The following UBE2O variants were observed in gnomAD, a reference collection of about 807,000 sequenced individuals.
The protein encoded by UBE2O is (E3-independent) E2 ubiquitin-conjugating enzyme.
In UBE2O, 15 loss-of-function variants were observed where a neutral mutation model predicts 125.8. The observed-to-expected ratio is 0.12, with a 90% CI of 0.08 to 0.18. The LOEUF (loss-of-function observed/expected upper bound fraction) is 0.18. Ranked by LOEUF, UBE2O falls within the 10% of genes least tolerant of loss-of-function variation. The pLI is 1.00. For synonymous variants in UBE2O, 708 were observed against 703.2 expected, an observed-to-expected ratio of 1.01 and a Z score of -0.11; for missense variants, 1,280 against 1,723.6, an observed-to-expected ratio of 0.74 and a Z score of 4.56.
chr17:76,393,863 G>A lies in UBE2O; in HGVS notation c.2947-1750C>T, dbSNP rs189002688. Among the ~76,000 whole-genome samples the A allele has an allele frequency of 2.2e-3, 336 of 152,364 alleles. 1 individual carries two copies. The highest frequency in any genetic ancestry group is 3.3e-3 in the Non-Finnish European group (226 of 68,038). Reference sequence around the variant, plus strand: ...AGCTGAGAAGCAGGGAAGGCAGAGCGCTAGCTGGGGCGAGGGAACCTCTGC... The same window carrying A: ...AGCTGAGAAGCAGGGAAGGCAGAGCACTAGCTGGGGCGAGGGAACCTCTGC... On this transcript the variant is annotated intron_variant, in intron 15 of 17. Transcript: ENST00000319380.
chr17:76,418,569 G>GT (rs33997542), intron 1 of UBE2O, among the ~76,000 whole-genome samples: 5,730 of 144,792 alleles, frequency 0.04, 169 homozygotes, highest in African/African-American at 0.076. Context: ...GGAGGAACAG[G>GT]TTTTTTTTTT....
chr17:76,400,672 G>C lies in UBE2O; in HGVS notation c.895-122C>G. ...ACTGATCTTCCTAGTGCAGCACCAA[G>C]TACAGACACATCAGAGCAGGCCCCA... On this transcript the variant is annotated intron_variant, in intron 6 of 17. Transcript: ENST00000319380. The surrounding 1 kb of genome is among the most constrained non-coding windows in gnomAD (Gnocchi z 4.3). 1.5e-6 allele frequency: 1 copy of C among 681,486 alleles called. No homozygotes were observed. The highest frequency in any genetic ancestry group is 3.4e-4 in the Middle Eastern group (1 of 2,954). 42.2% of individuals were successfully genotyped at this position (681,486 alleles called of 1,614,324 possible). A position where few individuals can be genotyped will look rare whatever the true frequency, so the allele number is the denominator to read the frequency against.
chr17:76,396,851 G>A lies in UBE2O; in HGVS notation c.2116-30C>T, dbSNP rs778017940. 87 of 1,546,048 alleles carry A rather than the reference G, an allele frequency of 5.6e-5. No homozygotes were observed. The highest frequency in any genetic ancestry group is 7.4e-5 in the Admixed American group (4 of 53,906). On this transcript the variant is annotated intron_variant, in intron 13 of 17. Transcript: ENST00000319380. This position sits in a 1 kb window ranked among gnomAD's most constrained non-coding sequence, Gnocchi z 6.7. ...GGGCAGAAGGGAAGTGCCAGGGTAAGCAGACAGGAAGTCACCTCCCCACCA... is the reference window on the plus strand; with the variant it reads ...GGGCAGAAGGGAAGTGCCAGGGTAAACAGACAGGAAGTCACCTCCCCACCA...
In UBE2O at chr17:76,402,709, A is replaced by C; in HGVS notation, c.589-10T>G. ...CCCCATACATGAAGGGCTGCAGACC[A>C]AGGAGGCAGGGGCAGTGAGACACAG... is the stretch of plus-strand genomic sequence containing the variant. On this transcript the variant is annotated splice_polypyrimidine_tract_variant and intron_variant, in intron 3 of 17. Transcript: ENST00000319380. The surrounding 1 kb of genome is among the most constrained non-coding windows in gnomAD (Gnocchi z 5.4). 6.2e-7 allele frequency: 1 copy of C among 1,612,058 alleles called. No individual in the cohort carries two copies. Among genetic ancestry groups the C allele is most frequent in the South Asian group, 1.1e-5 (1 of 91,044 alleles).
chr17:76,448,208 A>C (rs2073181172), intron 1 of UBE2O, among the ~76,000 whole-genome samples: 1 of 152,190 alleles, frequency 6.6e-6, no homozygotes, highest in Admixed American at 6.6e-5. Flanking sequence ...GGGAAAAATC[A>C]AGGGACAAAG....
In UBE2O at chr17:76,402,574, C is replaced by T. The variant is rs746600991; in HGVS notation, c.686+28G>A. On this transcript the variant is annotated intron_variant, in intron 4 of 17. Coordinates refer to ENST00000319380, the MANE Select transcript of UBE2O (RefSeq NM_022066.4). The surrounding 1 kb of genome is among the most constrained non-coding windows in gnomAD (Gnocchi z 5.4). ...TTCCAAGAGGCTATCCTTCCCAAGC[C>T]GATGGCTCTCTGGTGGTGAGACTCT... is the stretch of plus-strand genomic sequence containing the variant. 1.6e-5 allele frequency: 25 copies of T among 1,597,036 alleles called. 1 individual carries two copies. In the South Asian group the frequency reaches 1.8e-4, roughly 11 times the overall value.
At chr17:76,397,006 G>T (rs563061326) in intron 13 of UBE2O, among the ~76,000 whole-genome samples, 185 bp from the exon 14 acceptor site, 1 of 152,228 alleles carries the variant, frequency 6.6e-6, no homozygotes, top group Non-Finnish European at 1.5e-5. Flanking sequence ...GTCTCTGGGA[G>T]AGGCCCTTCA....
intron 1 of UBE2O, among the ~76,000 whole-genome samples, chr17:76,407,490 A>T (rs1045809704): frequency 6.6e-6 from 1 of 152,246 alleles, no homozygotes; most frequent in African/African-American, 2.4e-5. Context: ...GCGGCAGGAC[A>T]GGAGAATCCA....
Position 76,405,323 on chromosome 17 carries a change from GA to G in UBE2O, c.478-8del, listed in dbSNP as rs2143729740. ...CCGTGCCACACTGACTGTCCTGGGGGAGGGAGGAGACATGCAAGTCCCGTGG... is the reference window on the plus strand; with the variant it reads ...CCGTGCCACACTGACTGTCCTGGGGGGGGAGGAGACATGCAAGTCCCGTGG... On this transcript the variant is annotated splice_region_variant and splice_polypyrimidine_tract_variant and intron_variant, in intron 2 of 17. Transcript: ENST00000319380. This position sits in a 1 kb window ranked among gnomAD's most constrained non-coding sequence, Gnocchi z 6.1. 1 of 1,604,442 alleles carries G rather than the reference GA, an allele frequency of 6.2e-7. No individual in the cohort carries two copies. The highest frequency in any genetic ancestry group is 8.5e-7 in the Non-Finnish European group (1 of 1,172,980).
intron 1 of UBE2O, among the ~76,000 whole-genome samples, chr17:76,407,343 A>T (rs918574911): frequency 1.3e-5 from 2 of 152,200 alleles, no homozygotes; most frequent in Non-Finnish European, 2.9e-5. Flanking sequence ...ATCAAAGAAT[A>T]TTCTGTGCCT....
Position 76,398,881 on chromosome 17 carries a change from T to C in UBE2O, c.1739A>G (p.Asp580Gly). 6.2e-7 allele frequency: 1 copy of C among 1,614,182 alleles called. No homozygotes were observed. The highest frequency in any genetic ancestry group is 8.5e-7 in the Non-Finnish European group (1 of 1,180,026). ...SNDLFPVHHL[D>G]NNEFCPGDFV... ...GTCTCCAGGGCAGAACTCGTTGTTG[T>C]CCAGGTGGTGCACAGGGAAGAGGTC... is the stretch of plus-strand genomic sequence containing the variant. The change falls in exon 10 of 18, where the codon GAC becomes GGC. Residue 580 changes from aspartate to glycine, a missense_variant. Asp to Gly is a moderately conservative substitution (Grantham distance 94). Coordinates refer to ENST00000319380, the MANE Select transcript of UBE2O (RefSeq NM_022066.4). This position sits in a 1 kb window ranked among gnomAD's most constrained non-coding sequence, Gnocchi z 5.4.
At chr17:76,435,807 G>A (rs1376694492) in intron 1 of UBE2O, among the ~76,000 whole-genome samples, 2 of 152,232 alleles carry the variant, frequency 1.3e-5, no homozygotes, top group Admixed American at 6.5e-5. Context: ...AGGCACGACA[G>A]ACCAGCCTGT....
intron 1 of UBE2O, among the ~76,000 whole-genome samples, chr17:76,418,629 G>C (rs1009824305): frequency 6.6e-6 from 1 of 151,676 alleles, no homozygotes; most frequent in Non-Finnish European, 1.5e-5. Context: ...GAGTGCAGTG[G>C]CGCGATCTCG....
rs1259015903 is a variant in UBE2O, at chr17:76,400,812, G to A, written c.894+199C>T. 6.6e-6 allele frequency among the ~76,000 whole-genome samples: 1 copy of A among 152,206 alleles called. No individual in the cohort carries two copies. Among genetic ancestry groups the A allele is most frequent in the Non-Finnish European group, 1.5e-5 (1 of 68,040 alleles). ...CCACCTTGCTCAGCCTGTACAGGCTGGGCTGGGGCACATCTGTCTTTTGGT... is the reference window on the plus strand; with the variant it reads ...CCACCTTGCTCAGCCTGTACAGGCTAGGCTGGGGCACATCTGTCTTTTGGT... On this transcript the variant is annotated intron_variant, in intron 6 of 17. Transcript: ENST00000319380. This position sits in a 1 kb window ranked among gnomAD's most constrained non-coding sequence, Gnocchi z 4.3.
intron 1 of UBE2O, among the ~76,000 whole-genome samples, chr17:76,440,548 G>A (rs930026138): frequency 6.6e-6 from 1 of 152,146 alleles, no homozygotes; most frequent in African/African-American, 2.4e-5. Context: ...GGCTGGTCTC[G>A]AACTCCTGGC....
chr17:76,391,205 T>G lies in UBE2O; in HGVS notation c.3617A>C (p.Gln1206Pro), dbSNP rs201796669. ...SQGSDSEGGAQGLASASRDHT... is the reference protein window; with the variant it reads ...SQGSDSEGGAPGLASASRDHT... ...GTCCCTGCTAGCTGAGGCCAGGCCCTGGGCACCGCCCTCTGAGTCTGAGCC... is the reference window on the plus strand; with the variant it reads ...GTCCCTGCTAGCTGAGGCCAGGCCCGGGGCACCGCCCTCTGAGTCTGAGCC... The change falls in exon 18 of 18, where the codon CAG (glutamine) becomes CCG (proline). Residue 1206 changes from glutamine (Q) to proline (P), a missense_variant. Transcript: ENST00000319380. The surrounding 1 kb of genome is among the most constrained non-coding windows in gnomAD (Gnocchi z 8.4). The G allele has an allele frequency of 6.2e-6, 10 of 1,613,048 alleles. No individual in the cohort carries two copies. The African/African-American group carries it at 8.0e-5, about 13-fold the overall frequency.
chr17:76,394,856 CATAAT>C (rs1043951029), intron 15 of UBE2O, among the ~76,000 whole-genome samples: 8 of 151,470 alleles, frequency 5.3e-5, no homozygotes, highest in African/African-American at 1.7e-4. Flanking sequence ...GAGGAGTAAT[CATAAT>C]ATAATTAATT....
At chr17:76,424,845 GTTTCT>G (rs1417501889) in intron 1 of UBE2O, among the ~76,000 whole-genome samples, 5 of 149,200 alleles carry the variant, frequency 3.4e-5, no homozygotes, top group African/African-American at 1.2e-4. Context: ...AATTTCACCT[GTTTCT>G]TTTTTTTTTT....
chr17:76,452,758 C>T lies in UBE2O; in HGVS notation c.384G>A (p.Pro128=). The part of the protein sequence containing the change: ...RRGYVRVQWY[P]EGVKQHVKET... ...CCTTCACATGCTGCTTGACGCCCTCCGGGTACCACTGGACGCGCACGTAGC... is the reference window on the plus strand; with the variant it reads ...CCTTCACATGCTGCTTGACGCCCTCTGGGTACCACTGGACGCGCACGTAGC... Residue 128 remains proline (P), a synonymous_variant, in exon 1 of 18, where the codon CCG becomes CCA. Transcript: ENST00000319380. The surrounding 1 kb of genome is among the most constrained non-coding windows in gnomAD (Gnocchi z 4.4). 1 of 1,512,350 alleles carries T rather than the reference C, an allele frequency of 6.6e-7. No individual in the cohort carries two copies. The highest frequency in any genetic ancestry group is 8.8e-7 in the Non-Finnish European group (1 of 1,139,122). The allele number at this position is 1,512,350 out of a possible 1,614,324, so 93.7% of individuals were successfully genotyped here. A position where few individuals can be genotyped will look rare whatever the true frequency, so the allele number is the denominator to read the frequency against.
Sources: gnomAD v4.1 joint callset for allele counts (sites outside exome capture counted in the v4.1 genomes callset) on GRCh38, gnomAD v4.1.1 for gene constraint, Gnocchi (gnomAD v3.1) non-coding constraint, MANE v1.5 for transcripts, NCBI Gene and HGNC (gene_info 2026-07-23, HGNC 2026-07-21) for gene names.